SNX25: variants seen among roughly 807,000 people sequenced by gnomAD.
SNX25 encodes sorting nexin-25.
SNX25 carries 62 observed loss-of-function variants against 113.7 expected under a neutral mutation model. The ratio of observed to expected loss-of-function variants is 0.55; its 90% CI spans 0.44 to 0.67. The LOEUF (loss-of-function observed/expected upper bound fraction) is 0.67, where lower values mean the gene tolerates loss of function less well. Among genes scored for constraint, SNX25 ranks in the 30% least tolerant of loss-of-function variants. SNX25 has a pLI of 0.00. For missense variants in SNX25, 1,014 were observed against 1,161.0 expected (o/e 0.87, Z 1.84); for synonymous variants, 421 against 436.2 (o/e 0.97, Z 0.43).
intron 7 of SNX25, among the ~76,000 whole-genome samples, chr4:185,320,491 G>A (rs964179743): frequency 6.6e-6 from 1 of 151,978 alleles, no homozygotes; most frequent in Non-Finnish European, 1.5e-5. Context: ...GGGGGCAAGG[G>A]GAGAGAACTT....
At chr4:185,333,963 C>A (rs984551408) in intron 10 of SNX25, among the ~76,000 whole-genome samples, 3 of 150,546 alleles carry the variant, frequency 2.0e-5, no homozygotes, top group Non-Finnish European at 4.4e-5. Flanking sequence ...AAAGGAAGAT[C>A]TCTTGAATCT....
chr4:185,207,202 C>T (rs906161623), upstream of SNX25, among the ~76,000 whole-genome samples: 1 of 147,654 alleles, frequency 6.8e-6, no homozygotes, highest in Non-Finnish European at 1.5e-5. Context: ...TAAATTTAAC[C>T]AGTCACACTT....
At chr4:185,229,095 A>G (rs1017724586) in intron 1 of SNX25, among the ~76,000 whole-genome samples, 3 of 152,162 alleles carry the variant, frequency 2.0e-5, no homozygotes, top group Admixed American at 1.3e-4. Flanking sequence ...AAGACTAGCA[A>G]CGCCCGCGGT....
At chr4:185,282,284 C>T (rs1750712606) in intron 5 of SNX25, among the ~76,000 whole-genome samples, 1 of 152,080 alleles carries the variant, frequency 6.6e-6, no homozygotes, top group Admixed American at 6.5e-5. Context: ...GCCTCAGCCT[C>T]CCGAGTAGCT....
intron 11 of SNX25, among the ~76,000 whole-genome samples, chr4:185,369,093 C>T (rs2095404830): frequency 6.6e-6 from 1 of 151,754 alleles, no homozygotes; most frequent in African/African-American, 2.4e-5. Flanking sequence ...GGTACCTGGA[C>T]TTTTTTTGTT....
At chr4:185,214,852 G>C (rs567419557) in intron 1 of SNX25, among the ~76,000 whole-genome samples, 1 of 152,304 alleles carries the variant, frequency 6.6e-6, no homozygotes, top group Admixed American at 6.5e-5. Flanking sequence ...ACAATTTTAA[G>C]TATCCAACTG....
intron 5 of SNX25, among the ~76,000 whole-genome samples, chr4:185,271,272 A>G (rs1748886236): frequency 6.6e-6 from 1 of 152,224 alleles, no homozygotes; most frequent in African/African-American, 2.4e-5. Context: ...CGAGCTTGAC[A>G]GGTGACTAGT....
At chr4:185,370,564 G>A (rs750425582), downstream of SNX25, 467 of 1,471,470 alleles carry the variant, frequency 3.2e-4, no homozygotes, top group Non-Finnish European at 4.0e-4. Context: ...ACACTAATCC[G>A]TAAAACTATT....
intron 6 of SNX25, among the ~76,000 whole-genome samples, chr4:185,298,071 C>T (rs1284881447): frequency 6.6e-6 from 1 of 151,152 alleles, no homozygotes; most frequent in African/African-American, 2.4e-5. Flanking sequence ...ACCAGTCGCC[C>T]TCTTAACTAT....
intron 2 of SNX25, among the ~76,000 whole-genome samples, chr4:185,256,274 C>T (rs889061831): frequency 2.0e-5 from 3 of 152,194 alleles, no homozygotes; most frequent in African/African-American, 7.2e-5. Flanking sequence ...ACTGAGGCTG[C>T]TGGAATCACT....
chr4:185,311,042 C>CGTGT (rs899057305), intron 7 of SNX25, among the ~76,000 whole-genome samples: 1 of 151,774 alleles, frequency 6.6e-6, no homozygotes, highest in Non-Finnish European at 1.5e-5. Flanking sequence ...TGTGTGTGTG[C>CGTGT]GTGTGTGGAT....
chr4:185,289,224 AT>A (rs1395945394), intron 6 of SNX25, among the ~76,000 whole-genome samples: 4 of 152,362 alleles, frequency 2.6e-5, no homozygotes, highest in Admixed American at 2.0e-4. Flanking sequence ...AAACCTCTGC[AT>A]TCCGATTCCC....
rs776308483 is a variant in SNX25 at position 185,332,563 on chromosome 4, T to A, written c.1750-32T>A. On this transcript the variant is annotated intron_variant, in intron 9 of 18. Coordinates refer to ENST00000652585, the MANE Select transcript of SNX25 (RefSeq NM_001378034.2). ...ATAATTACTGAATTTTCTATCATTA[T>A]AAGATATGGTGGTATGTGACTCTCC... The A allele has an allele frequency of 2.6e-6, 4 of 1,542,430 alleles. No homozygotes were observed. In the South Asian group the frequency reaches 5.1e-5, roughly 20 times the overall value.
chr4:185,213,860 A>C (rs1446120936), intron 1 of SNX25, among the ~76,000 whole-genome samples: 1 of 152,140 alleles, frequency 6.6e-6, no homozygotes, highest in Non-Finnish European at 1.5e-5. Flanking sequence ...GTAAAAGAGA[A>C]TAACTTTGTC....
intron 1 of SNX25, among the ~76,000 whole-genome samples, chr4:185,243,838 G>A (rs1278858336): frequency 1.3e-5 from 2 of 151,994 alleles, no homozygotes; most frequent in Non-Finnish European, 2.9e-5. Flanking sequence ...TAACTAGGAA[G>A]ATAAAAAATA....
chr4:185,326,208 A>C (rs1182691088), intron 9 of SNX25, among the ~76,000 whole-genome samples: 1 of 152,200 alleles, frequency 6.6e-6, no homozygotes, highest in Non-Finnish European at 1.5e-5. Flanking sequence ...AGGATTAGCA[A>C]TATTTTAAGC....
At chr4:185,217,255 G>GAAA (rs397963554) in intron 1 of SNX25, among the ~76,000 whole-genome samples, 1 of 149,668 alleles carries the variant, frequency 6.7e-6, no homozygotes, top group Non-Finnish European at 1.5e-5. Context: ...TGTGTCTTGG[G>GAAA]AAAAAAAAAA....
intron 3 of SNX25, among the ~76,000 whole-genome samples, chr4:185,260,364 C>T (rs1347249676): frequency 1.3e-5 from 2 of 152,010 alleles, no homozygotes; most frequent in Admixed American, 1.3e-4. Flanking sequence ...TATCTAGTGG[C>T]GAGCTGGAGC....
intron 9 of SNX25, among the ~76,000 whole-genome samples, chr4:185,328,193 A>C (rs1362917825): frequency 6.6e-6 from 1 of 152,146 alleles, no homozygotes; most frequent in Admixed American, 6.5e-5. Context: ...TCCCAATTGG[A>C]TTATTGGCCT....
Sources: allele counts gnomAD v4.1 joint callset (sites outside exome capture counted in the v4.1 genomes callset), GRCh38; gene constraint gnomAD v4.1.1; transcripts MANE v1.5; gene names NCBI Gene and HGNC (gene_info 2026-07-23, HGNC 2026-07-21).